Variants in ATAD2B observed in about 807,000 individuals in gnomAD.
ATAD2B encodes the protein ATPase family AAA domain-containing protein 2B.
A neutral mutation model predicts 167.6 loss-of-function variants in ATAD2B; 40 were observed. That is an observed-to-expected ratio of 0.24 (90% CI 0.19 to 0.31). ATAD2B has a LOEUF of 0.31. Ranked by LOEUF, ATAD2B falls within the 10% of genes least tolerant of loss-of-function variation. The pLI is 1.00. For missense variants in ATAD2B, 1,242 were observed against 1,757.2 expected (o/e 0.71, Z 5.24); for synonymous variants, 579 against 596.5 (o/e 0.97, Z 0.43).
chr2:23,858,311 G>C (rs543592460), intron 12 of ATAD2B, among the ~76,000 whole-genome samples: 1 of 151,114 alleles, frequency 6.6e-6, no homozygotes, highest in South Asian at 2.1e-4. Flanking sequence ...AGTAGAGATG[G>C]GGTTTCATCA....
chr2:23,873,767 C>A (rs1172631618), intron 8 of ATAD2B, among the ~76,000 whole-genome samples: 2 of 152,156 alleles, frequency 1.3e-5, no homozygotes, highest in African/African-American at 2.4e-5. Context: ...GCCATTAAAT[C>A]ATATAAAGTA....
the ATAD2B span, among the ~76,000 whole-genome samples, chr2:23,730,433 G>A: frequency 2.6e-5 from 4 of 151,892 alleles, no homozygotes; most frequent in Non-Finnish European, 5.9e-5. Flanking sequence ...TTGGGAGGCC[G>A]AGGCAGGCGG....
At chr2:23,811,855 AAT>A (rs56903590) in intron 17 of ATAD2B, among the ~76,000 whole-genome samples, 107 of 150,816 alleles carry the variant, frequency 7.1e-4, no homozygotes, top group African/African-American at 1.6e-3. Flanking sequence ...TAAAATAACA[AAT>A]ATATATATAT....
In ATAD2B at chr2:23,804,669, A is replaced by T. The variant is rs7608893; in HGVS notation, c.2454+5647T>A. On this transcript the variant is annotated intron_variant, in intron 18 of 27. Transcript: ENST00000238789. ...GATTCAGAATCATGCCACGAAAAAA[A>T]TCAGGAAAAAAAAAAAAAACCCTAT... is the stretch of plus-strand genomic sequence containing the variant. Among the ~76,000 whole-genome samples, 1,087 of 150,780 alleles carry T rather than the reference A, an allele frequency of 7.2e-3. 11 individuals carry two copies. Among genetic ancestry groups the T allele is most frequent in the African/African-American group, 0.026 (1,047 of 40,596 alleles).
chr2:23,918,845 A>G (rs547121640), intron 1 of ATAD2B, among the ~76,000 whole-genome samples: 1 of 152,376 alleles, frequency 6.6e-6, no homozygotes, highest in East Asian at 1.9e-4. Context: ...TATTACCTTT[A>G]GCCTTCCACA....
chr2:23,921,390 C>T (rs1703913354), intron 1 of ATAD2B, among the ~76,000 whole-genome samples: 1 of 152,036 alleles, frequency 6.6e-6, no homozygotes, highest in Admixed American at 6.6e-5. Context: ...ACTCAACATT[C>T]AGGTGCAAAC....
At chr2:23,744,380 C>A (rs1674689348), downstream of ATAD2B, among the ~76,000 whole-genome samples, 2 of 151,544 alleles carry the variant, frequency 1.3e-5, no homozygotes, top group Admixed American at 1.3e-4. Context: ...AAACTACATA[C>A]ATGTGTTTCT....
intron 1 of ATAD2B, among the ~76,000 whole-genome samples, chr2:23,907,584 C>T (rs1386199637): frequency 6.6e-6 from 1 of 152,116 alleles, no homozygotes; most frequent in Non-Finnish European, 1.5e-5. Flanking sequence ...TATCAAGCTA[C>T]CAATGACTTT....
the ATAD2B span, among the ~76,000 whole-genome samples, chr2:23,706,140 C>A: frequency 5.3e-5 from 8 of 152,302 alleles, no homozygotes; most frequent in African/African-American, 1.2e-4. Flanking sequence ...AGGAAGGCTG[C>A]GTGTGCCACA....
the ATAD2B span, among the ~76,000 whole-genome samples, chr2:23,706,011 A>G: frequency 6.6e-6 from 1 of 152,230 alleles, no homozygotes; most frequent in Non-Finnish European, 1.5e-5. Context: ...CAGGTCACAC[A>G]GAAGCACCTT....
At chr2:23,883,670 C>T (rs1461220762) in intron 6 of ATAD2B, 3 of 1,174,978 alleles carry the variant, frequency 2.6e-6, no homozygotes, top group South Asian at 1.4e-5. Context: ...AATAAAGTAC[C>T]TTCATTAGAA....
the ATAD2B span, among the ~76,000 whole-genome samples, chr2:23,714,043 A>G: frequency 6.6e-6 from 1 of 152,120 alleles, no homozygotes. Flanking sequence ...CAAAAGGCAG[A>G]GTTTTCCCAC....
intron 24 of ATAD2B, among the ~76,000 whole-genome samples, chr2:23,760,715 C>CACACACACATAT: frequency 7.0e-6 from 1 of 142,516 alleles, no homozygotes; most frequent in South Asian, 2.3e-4. Context: ...CACACACACA[C>CACACACACATAT]ACACACACAC....
At chr2:23,832,769 A>T (rs1446185527) in intron 14 of ATAD2B, among the ~76,000 whole-genome samples, 7 of 152,230 alleles carry the variant, frequency 4.6e-5, no homozygotes, top group Admixed American at 4.6e-4. Context: ...ACAAATGGGA[A>T]ATCAAGGAAA....
chr2:23,927,089 G>A lies in ATAD2B; in HGVS notation c.-319C>T. The A allele has an allele frequency of 3.5e-6, 1 of 283,120 alleles. No individual in the cohort carries two copies. The highest frequency in any genetic ancestry group is 6.6e-6 in the Non-Finnish European group (1 of 151,262). 17.5% of individuals were successfully genotyped at this position (283,120 alleles called of 1,614,324 possible). A position where few individuals can be genotyped will look rare whatever the true frequency, so the allele number is the denominator to read the frequency against. Reference sequence around the variant, plus strand: ...TCTCCCGTTCTCGCTCTCGAGCTCCGTGCGTCAAGGCTCCAGCGCCGCAGG... The same window carrying A: ...TCTCCCGTTCTCGCTCTCGAGCTCCATGCGTCAAGGCTCCAGCGCCGCAGG... On this transcript the variant is annotated 5_prime_UTR_variant, in exon 1 of 28. It adds an upstream start codon to the 5' untranslated region. Transcript: ENST00000238789.
chr2:23,778,839 C>T (rs1679553047), intron 22 of ATAD2B, among the ~76,000 whole-genome samples: 1 of 152,196 alleles, frequency 6.6e-6, no homozygotes, highest in Non-Finnish European at 1.5e-5. Flanking sequence ...AGAAATGGGA[C>T]TAAAGCCTAG....
intron 10 of ATAD2B, among the ~76,000 whole-genome samples, chr2:23,866,762 G>A (rs1695199056): frequency 6.6e-6 from 1 of 151,974 alleles, no homozygotes; most frequent in Admixed American, 6.6e-5. Context: ...AAGTATATAT[G>A]CAATTCTATT....
chr2:23,832,127 T>C, intron 14 of ATAD2B: 1 of 426,232 alleles, frequency 2.3e-6, no homozygotes, highest in Non-Finnish European at 4.9e-6. Flanking sequence ...ACACGTGACA[T>C]GGTTAATCAC....
intron 15 of ATAD2B, among the ~76,000 whole-genome samples, chr2:23,826,695 T>C (rs546155258): frequency 1.3e-5 from 2 of 152,296 alleles, no homozygotes; most frequent in South Asian, 4.1e-4. Context: ...GTCACTTCAT[T>C]GAGACTCTTT....
Sources: allele counts gnomAD v4.1 joint callset (sites outside exome capture counted in the v4.1 genomes callset), GRCh38; gene constraint gnomAD v4.1.1; transcripts MANE v1.5; gene names NCBI Gene and HGNC (gene_info 2026-07-23, HGNC 2026-07-21).